Variants in WDR64 observed in about 807,000 individuals in gnomAD.
The protein encoded by WDR64 is WD repeat-containing protein 64.
WDR64 carries 112 observed loss-of-function variants against 139.3 expected under a neutral mutation model. That is an observed-to-expected ratio of 0.80 (90% CI 0.69 to 0.94). WDR64 has a LOEUF of 0.94. Ranked by LOEUF, WDR64 falls within the 40% of genes least tolerant of loss-of-function variation. The pLI, the probability that WDR64 is intolerant of heterozygous loss-of-function variation, is 0.00. For missense variants in WDR64, 1,206 were observed against 1,293.1 expected, an observed-to-expected ratio of 0.93 and a Z score of 1.03; for synonymous variants, 444 against 437.7, an observed-to-expected ratio of 1.01 and a Z score of -0.18.
At chr1:241,705,410 C>A (rs1031309672) in intron 8 of WDR64, among the ~76,000 whole-genome samples, 1 of 151,392 alleles carries the variant, frequency 6.6e-6, no homozygotes, top group Non-Finnish European at 1.5e-5. Context: ...GGCATGGTGG[C>A]GGGCGCCTGT....
intron 24 of WDR64, among the ~76,000 whole-genome samples, chr1:241,789,446 T>C (rs1283916249): frequency 6.6e-6 from 1 of 152,224 alleles, no homozygotes; most frequent in African/African-American, 2.4e-5. Context: ...ATTGCAGCAC[T>C]ATTCACAATA....
At chr1:241,675,039 CTTCTTTCCTTCCTTTT>C (rs1430818391) in intron 4 of WDR64, among the ~76,000 whole-genome samples, 7 of 11,334 alleles carry the variant, frequency 6.2e-4, no homozygotes, top group African/African-American at 9.6e-4. Flanking sequence ...CTCCCTCCTT[CTTCTTTCCTTCCTTTT>C]CTCCCTTCCT....
intron 10 of WDR64, among the ~76,000 whole-genome samples, chr1:241,735,069 C>T (rs184014863): frequency 2.2e-3 from 338 of 152,198 alleles, no homozygotes; most frequent in Non-Finnish European, 3.9e-3. Context: ...AATTTTTAAC[C>T]AGCACCATGT....
At chr1:241,744,561 G>A (rs1339065496) in intron 13 of WDR64, 45 bp downstream of exon 13, 2 of 1,607,174 alleles carry the variant, frequency 1.2e-6, no homozygotes, top group Non-Finnish European at 8.5e-7. Context: ...TTAGTGTCCT[G>A]AGAATTTCCG....
intron 15 of WDR64, among the ~76,000 whole-genome samples, chr1:241,764,426 G>A (rs1456277088): frequency 1.3e-5 from 2 of 152,176 alleles, no homozygotes; most frequent in Admixed American, 6.5e-5. Flanking sequence ...GCCAAGGTGA[G>A]AGGATCACTT....
Position 241,656,900 on chromosome 1 carries a change from G to GTGTA in WDR64, c.146-3627_146-3626insATGT. Among the ~76,000 whole-genome samples, 1 of 151,350 alleles carries GTGTA rather than the reference G, an allele frequency of 6.6e-6. No individual in the cohort carries two copies. ...TGTGTGTGTGTGTGTGTGTGTGTGTGTGTGTGTGTGTCTGTCTGGGGATGG... is the reference window on the plus strand; with the variant it reads ...TGTGTGTGTGTGTGTGTGTGTGTGTGTGTATGTGTGTGTGTCTGTCTGGGGATGG... On this transcript the variant is annotated intron_variant, in intron 1 of 27. Coordinates refer to ENST00000437684, the MANE Select transcript of WDR64 (RefSeq NM_001367482.1). This position sits in a 1 kb window ranked among gnomAD's most constrained non-coding sequence, Gnocchi z 4.3.
chr1:241,689,755 G>A (rs1667142959), intron 8 of WDR64, among the ~76,000 whole-genome samples: 1 of 152,158 alleles, frequency 6.6e-6, no homozygotes, highest in Admixed American at 6.5e-5. Context: ...ATTGTAAACA[G>A]AGAGATGAAA....
At chr1:241,699,102 C>T (rs557209237) in intron 8 of WDR64, among the ~76,000 whole-genome samples, 3 of 152,320 alleles carry the variant, frequency 2.0e-5, no homozygotes, top group Non-Finnish European at 2.9e-5. Flanking sequence ...TTATCTCCCA[C>T]AGGGTCCCTC....
At chr1:241,699,453 T>C (rs1667620424) in intron 8 of WDR64, among the ~76,000 whole-genome samples, 1 of 152,228 alleles carries the variant, frequency 6.6e-6, no homozygotes, top group Non-Finnish European at 1.5e-5. Context: ...GACTAGGTTG[T>C]CGACCTCATA....
chr1:241,681,924 T>C (rs1666809595), intron 6 of WDR64, among the ~76,000 whole-genome samples: 1 of 152,240 alleles, frequency 6.6e-6, no homozygotes, highest in Non-Finnish European at 1.5e-5. Flanking sequence ...TTTGTATATC[T>C]TCTTTTGAGA....
At chr1:241,723,616 G>C (rs1292948911) in intron 10 of WDR64, among the ~76,000 whole-genome samples, 180 bp downstream of exon 10, 2 of 152,038 alleles carry the variant, frequency 1.3e-5, no homozygotes, top group African/African-American at 4.8e-5. Context: ...ATTGATTATA[G>C]CATAAGTAAG....
At chr1:241,793,255 A>G (rs1659258695) in intron 25 of WDR64, among the ~76,000 whole-genome samples, 1 of 152,204 alleles carries the variant, frequency 6.6e-6, no homozygotes, top group Non-Finnish European at 1.5e-5. Context: ...AAAAACACAA[A>G]ATTCTGGATT....
intron 25 of WDR64, among the ~76,000 whole-genome samples, chr1:241,794,502 CTGTT>C (rs1326282630): frequency 4.8e-5 from 5 of 105,024 alleles, no homozygotes; most frequent in Non-Finnish European, 5.4e-5. Flanking sequence ...TTAAGCTTTA[CTGTT>C]TTTTTTTTTT....
rs1326020466 is a variant in WDR64, at chr1:241,796,329, A to G, written c.3151A>G (p.Ile1051Val). 2 of 1,613,922 alleles carry G rather than the reference A, an allele frequency of 1.2e-6. No homozygotes were observed. The highest frequency in any genetic ancestry group is 1.7e-4 in the Middle Eastern group (1 of 6,056). Residue 1051 changes from isoleucine to valine, a missense_variant, in exon 27 of 28, where the codon ATT (isoleucine) becomes GTT (valine). Transcript: ENST00000437684. Reference sequence around the variant, plus strand: ...AGCCCAAAAGGACTCTTCAGATGGCATTACAGGAAAGAAGAAGGGAGGTCA... The same window carrying G: ...AGCCCAAAAGGACTCTTCAGATGGCGTTACAGGAAAGAAGAAGGGAGGTCA... ...VEAQKDSSDGITGKKKGGHVQ... is the reference protein window; with the variant it reads ...VEAQKDSSDGVTGKKKGGHVQ...
At chr1:241,661,852 G>T (rs1432386727) in intron 2 of WDR64, among the ~76,000 whole-genome samples, 1 of 152,226 alleles carries the variant, frequency 6.6e-6, no homozygotes, top group Non-Finnish European at 1.5e-5. Context: ...CACCTTTGTT[G>T]TGAATAAAGT....
Position 241,660,634 on chromosome 1 carries a change from A to G in WDR64, c.250A>G (p.Thr84Ala). The change falls in exon 2 of 28, where the codon ACG becomes GCG. Residue 84 changes from threonine (T) to alanine (A), a missense_variant. Coordinates refer to ENST00000437684, the MANE Select transcript of WDR64 (RefSeq NM_001367482.1). Reference protein sequence around the residue: ...KRFYRKLCNNTDASADWCEIF... With the variant: ...KRFYRKLCNNADASADWCEIF... The stretch of plus-strand genomic sequence containing the variant: ...CTTTTACAGGAAACTGTGCAACAAC[A>G]CGGATGCATCTGCAGACTGGTGTGA... 1 of 1,551,562 alleles carries G rather than the reference A, an allele frequency of 6.4e-7. No individual in the cohort carries two copies. Among genetic ancestry groups the G allele is most frequent in the Non-Finnish European group, 8.7e-7 (1 of 1,146,802 alleles).
At chr1:241,776,039 T>C (rs1658646154) in intron 21 of WDR64, among the ~76,000 whole-genome samples, 1 of 151,930 alleles carries the variant, frequency 6.6e-6, no homozygotes. Flanking sequence ...ATATTCTCTT[T>C]TATAAACATT....
chr1:241,695,002 G>C (rs939734381), intron 8 of WDR64, among the ~76,000 whole-genome samples: 3 of 152,174 alleles, frequency 2.0e-5, no homozygotes, highest in African/African-American at 4.8e-5. Flanking sequence ...GTGGTATGTT[G>C]AAGTCAGTTC....
At chr1:241,744,312 G>C in intron 12 of WDR64, 81 bp from the exon 13 acceptor site, 1 of 1,557,658 alleles carries the variant, frequency 6.4e-7, no homozygotes. Flanking sequence ...TTTTGAGGCT[G>C]TTTTGAATAT....
Sources: allele counts gnomAD v4.1 joint callset (sites outside exome capture counted in the v4.1 genomes callset), GRCh38; gene constraint gnomAD v4.1.1; non-coding constraint Gnocchi (gnomAD v3.1); transcripts MANE v1.5; gene names NCBI Gene and HGNC (gene_info 2026-07-23, HGNC 2026-07-21).